The following SLCO3A1 variants were observed in gnomAD, a reference collection of about 807,000 sequenced individuals.
SLCO3A1 encodes PGE1 transporter.
Under a neutral mutation model 63.1 loss-of-function variants are expected in SLCO3A1, and 27 were observed. The ratio of observed to expected loss-of-function variants is 0.43; its 90% confidence interval spans 0.32 to 0.59. The LOEUF (loss-of-function observed/expected upper bound fraction) is 0.59. SLCO3A1 is among the 20% of genes least tolerant of loss of function. The probability of loss-of-function intolerance (pLI) is 0.09; values close to 1 mark genes in which losing one functional copy is unlikely to be tolerated. For missense variants in SLCO3A1, 773 were observed against 945.8 expected (o/e 0.82, Z 2.40); for synonymous variants, 473 against 409.9 (o/e 1.15, Z -1.86).
In SLCO3A1 at chr15:92,146,976, C is replaced by T. The variant is rs1247271233; in HGVS notation, c.1513-8C>T. The T allele has an allele frequency of 3.7e-6, 6 of 1,603,210 alleles. No individual in the cohort carries two copies. The East Asian group carries it at 1.3e-4, about 36-fold the overall frequency. The stretch of plus-strand genomic sequence containing the variant: ...CCCAGATAAAAGGGCTGAACGCTTC[C>T]CTTTCAGAATCTCACGGGCTGTGCG... On this transcript the variant is annotated splice_region_variant and splice_polypyrimidine_tract_variant and intron_variant, in intron 7 of 9. Transcript: ENST00000318445.
chr15:92,061,148 T>C (rs899732379), intron 2 of SLCO3A1, among the ~76,000 whole-genome samples: 4 of 152,236 alleles, frequency 2.6e-5, no homozygotes, highest in Non-Finnish European at 1.5e-5. Flanking sequence ...GCATTTTCCC[T>C]CTTTTCTACC....
intron 2 of SLCO3A1, among the ~76,000 whole-genome samples, chr15:91,935,940 G>A (rs1452979677): frequency 6.6e-6 from 1 of 151,794 alleles, no homozygotes; most frequent in Non-Finnish European, 1.5e-5. Context: ...ATTAAAGTTT[G>A]CACAGCTTAT....
intron 2 of SLCO3A1, among the ~76,000 whole-genome samples, chr15:92,056,135 G>T (rs143307900): frequency 1.3e-5 from 2 of 151,982 alleles, no homozygotes; most frequent in Non-Finnish European, 2.9e-5. Flanking sequence ...GGGCTTGCAG[G>T]GGGGACTTGA....
chr15:91,904,070 G>A (rs1055598299), intron 1 of SLCO3A1, among the ~76,000 whole-genome samples: 1 of 152,082 alleles, frequency 6.6e-6, no homozygotes, highest in Non-Finnish European at 1.5e-5. Context: ...GGAGGGCCAC[G>A]CTTTTCCTGG....
intron 2 of SLCO3A1, among the ~76,000 whole-genome samples, chr15:92,052,207 C>T (rs1483061556): frequency 3.3e-5 from 5 of 152,120 alleles, no homozygotes; most frequent in Non-Finnish European, 7.3e-5. Flanking sequence ...AGCCTGTACT[C>T]AGCTGGGTGT....
chr15:91,869,697 T>TCAACAA (rs540183274), intron 1 of SLCO3A1, among the ~76,000 whole-genome samples: 1 of 151,754 alleles, frequency 6.6e-6, no homozygotes, highest in Non-Finnish European at 1.5e-5. Flanking sequence ...AGACACTATT[T>TCAACAA]CAACAACAAC....
At chr15:92,011,462 A>G (rs542425496) in intron 2 of SLCO3A1, among the ~76,000 whole-genome samples, 83 of 152,038 alleles carry the variant, frequency 5.5e-4, no homozygotes, top group African/African-American at 1.9e-3. Flanking sequence ...AATATGTACA[A>G]TTATTATATA....
intron 2 of SLCO3A1, among the ~76,000 whole-genome samples, chr15:91,953,100 G>A (rs1312750832): frequency 6.6e-6 from 1 of 152,222 alleles, no homozygotes; most frequent in Non-Finnish European, 1.5e-5. Flanking sequence ...ATTCTTCAGA[G>A]TAGACTAGGA....
chr15:91,985,713 A>G (rs985660105), intron 2 of SLCO3A1, among the ~76,000 whole-genome samples: 5 of 152,142 alleles, frequency 3.3e-5, no homozygotes, highest in African/African-American at 9.7e-5. Flanking sequence ...GCCCTGCACT[A>G]GTGCTCCTCA....
chr15:91,915,861 T>C (rs890889603), intron 1 of SLCO3A1, 132 bp from the exon 2 acceptor site: 1 of 726,558 alleles, frequency 1.4e-6, no homozygotes, highest in African/African-American at 1.8e-5. Context: ...CAGCTGCCTT[T>C]TTGCACCTGG....
rs139464923 is a variant in SLCO3A1, at chr15:91,883,683, T to C, written c.180+29595T>C. Among the ~76,000 whole-genome samples, 97 of 152,318 alleles carry C rather than the reference T, an allele frequency of 6.4e-4. No individual in the cohort carries two copies. Among genetic ancestry groups the C allele is most frequent in the African/African-American group, 2.3e-3 (95 of 41,566 alleles). ...GATACATTGTTCATACGCTCATAAT[T>C]AGTTCATGTGTTTTGCTGGGTTGTG... On this transcript the variant is annotated intron_variant, in intron 1 of 9. Coordinates refer to ENST00000318445, the MANE Select transcript of SLCO3A1 (RefSeq NM_013272.4). The surrounding 1 kb of genome is among the most constrained non-coding windows in gnomAD (Gnocchi z 4.8).
In SLCO3A1 at chr15:92,163,698, C is replaced by G. The variant is rs1414827911; in HGVS notation, c.*563C>G. 4 of 985,326 alleles carry G rather than the reference C, an allele frequency of 4.1e-6. No individual in the cohort carries two copies. Among genetic ancestry groups the G allele is most frequent in the East Asian group, 1.1e-4 (1 of 8,816 alleles). The allele number at this position is 985,326 out of a possible 1,614,324, so 61.0% of individuals were successfully genotyped here. On this transcript the variant is annotated 3_prime_UTR_variant, in exon 10 of 10. Transcript: ENST00000318445. ...AAGCACCACTCCTCTCTCTGACTTT[C>G]GCAATATGGGTCACTGTGTAGACGA...
chr15:92,008,169 T>TA (rs1273451740), intron 2 of SLCO3A1, among the ~76,000 whole-genome samples: 1 of 149,830 alleles, frequency 6.7e-6, no homozygotes, highest in Non-Finnish European at 1.5e-5. Context: ...TGCAAACACA[T>TA]ACACACATAA....
At chr15:92,123,461 AT>A (rs2047886829) in intron 5 of SLCO3A1, among the ~76,000 whole-genome samples, 1 of 152,064 alleles carries the variant, frequency 6.6e-6, no homozygotes, top group Non-Finnish European at 1.5e-5. Flanking sequence ...TATCACAATG[AT>A]ATGGCCAGAT....
intron 2 of SLCO3A1, among the ~76,000 whole-genome samples, chr15:91,966,917 T>G (rs1348342082): frequency 6.6e-6 from 1 of 152,172 alleles, no homozygotes; most frequent in Non-Finnish European, 1.5e-5. Context: ...CCAATTATGT[T>G]GTGTGGCATT....
intron 7 of SLCO3A1, among the ~76,000 whole-genome samples, chr15:92,145,744 A>G (rs1211630345): frequency 1.3e-5 from 2 of 152,180 alleles, no homozygotes; most frequent in Non-Finnish European, 2.9e-5. Flanking sequence ...GCCCCTGGGT[A>G]CCCTAACTGA....
At chr15:91,915,746 C>T (rs1898633293) in intron 1 of SLCO3A1, among the ~76,000 whole-genome samples, 1 of 151,998 alleles carries the variant, frequency 6.6e-6, no homozygotes, top group African/African-American at 2.4e-5. Context: ...AAACAGGTGC[C>T]AGAAAAAACA....
At chr15:92,125,380 A>G (rs752037905) in intron 5 of SLCO3A1, among the ~76,000 whole-genome samples, 1 of 152,192 alleles carries the variant, frequency 6.6e-6, no homozygotes, top group East Asian at 1.9e-4. Flanking sequence ...TCTGCGAATC[A>G]GAAATAACAG....
intron 1 of SLCO3A1, among the ~76,000 whole-genome samples, chr15:91,887,530 A>G (rs1017192113): frequency 6.6e-5 from 10 of 152,146 alleles, no homozygotes; most frequent in Non-Finnish European, 1.3e-4. Flanking sequence ...GCTCATTTTC[A>G]TTGTGGCATC....
Sources: gnomAD v4.1 joint callset for allele counts (sites outside exome capture counted in the v4.1 genomes callset) on GRCh38, gnomAD v4.1.1 for gene constraint, Gnocchi (gnomAD v3.1) non-coding constraint, MANE v1.5 for transcripts, NCBI Gene and HGNC (gene_info 2026-07-23, HGNC 2026-07-21) for gene names.